Variants in NBEAL1 observed in about 807,000 individuals in gnomAD.
NBEAL1 encodes neurobeachin-like protein 1.
In NBEAL1, 273 loss-of-function variants were observed where a neutral mutation model predicts 351.3. The ratio of observed to expected loss-of-function variants is 0.78; its 90% confidence interval spans 0.70 to 0.86. The LOEUF (loss-of-function observed/expected upper bound fraction) is 0.86, where lower values mean the gene tolerates loss of function less well. Ranked by LOEUF, NBEAL1 falls within the 40% of genes least tolerant of loss-of-function variation. The probability of loss-of-function intolerance (pLI) is 0.00; values close to 1 mark genes in which losing one functional copy is unlikely to be tolerated. For missense variants in NBEAL1, 2,961 were observed against 3,201.3 expected, an observed-to-expected ratio of 0.92 and a Z score of 1.81; for synonymous variants, 1,050 against 1,086.4, an observed-to-expected ratio of 0.97 and a Z score of 0.66.
chr2:203,148,455 G>T (rs2063564250), intron 33 of NBEAL1, among the ~76,000 whole-genome samples: 1 of 151,986 alleles, frequency 6.6e-6, no homozygotes, highest in Non-Finnish European at 1.5e-5. Context: ...TGGTTTGTTT[G>T]AAACAAATTA....
chr2:203,040,521 G>C, intron 2 of NBEAL1: 1 of 672,846 alleles, frequency 1.5e-6, no homozygotes, highest in African/African-American at 1.8e-5. Flanking sequence ...AAACTTATGT[G>C]ACCTGGGGAT....
chr2:203,126,921 T>C lies in NBEAL1; in HGVS notation c.3243T>C (p.Tyr1081=). 1 of 1,540,144 alleles carries C rather than the reference T, an allele frequency of 6.5e-7. No homozygotes were observed. The highest frequency in any genetic ancestry group is 8.8e-7 in the Non-Finnish European group (1 of 1,136,844). The part of the protein sequence containing the change: ...VQFLLDTLRI[Y]YGNGCKYNEL... ...TTCTCCTAGATACACTTAGGATTTA[T>C]TATGGGTATGATGCCCTTGTTCTTT... The change falls in exon 23 of 56, where the codon TAT becomes TAC. Residue 1081 remains tyrosine (Y), a synonymous_variant. Transcript: ENST00000683969.
chr2:203,169,029 A>T (rs1354925733), intron 38 of NBEAL1, among the ~76,000 whole-genome samples: 1 of 152,148 alleles, frequency 6.6e-6, no homozygotes, highest in Non-Finnish European at 1.5e-5. Context: ...TATTATGTTT[A>T]ATTTAATTTA....
At chr2:203,064,804 A>G (rs1176681028) in intron 6 of NBEAL1, among the ~76,000 whole-genome samples, 1 of 152,254 alleles carries the variant, frequency 6.6e-6, no homozygotes, top group Non-Finnish European at 1.5e-5. Flanking sequence ...GTGAACTGAC[A>G]AAACTGGAAT....
intron 36 of NBEAL1, among the ~76,000 whole-genome samples, chr2:203,161,050 G>A (rs2063940067): frequency 6.6e-6 from 1 of 152,182 alleles, no homozygotes; most frequent in African/African-American, 2.4e-5. Context: ...CAGGGAGGCT[G>A]GGCACGGTGG....
intron 36 of NBEAL1, 105 bp from the exon 37 acceptor site, chr2:203,166,044 C>G (rs1409541363): frequency 1.8e-6 from 2 of 1,113,188 alleles, no homozygotes; most frequent in African/African-American, 3.3e-5. Context: ...GACCTTGTCT[C>G]AAAAAAAAGA....
chr2:203,046,856 T>A (rs1255771794), intron 3 of NBEAL1, among the ~76,000 whole-genome samples: 2 of 152,126 alleles, frequency 1.3e-5, no homozygotes, highest in Non-Finnish European at 2.9e-5. Context: ...GCAGTTCACA[T>A]TGAAAGCTCT....
chr2:203,208,593 A>G, intron 51 of NBEAL1, 44 bp from the exon 52 acceptor site: 2 of 1,415,728 alleles, frequency 1.4e-6, no homozygotes, highest in Non-Finnish European at 2.0e-6. Flanking sequence ...AAAAACAGGA[A>G]ACAAGAAACC....
chr2:203,082,338 G>A (rs1043251237), intron 8 of NBEAL1, among the ~76,000 whole-genome samples: 2 of 152,148 alleles, frequency 1.3e-5, no homozygotes, highest in East Asian at 1.9e-4. Context: ...TGAATATTGG[G>A]TGGGCCATTA....
chr2:203,110,397 G>A (rs767988746), intron 15 of NBEAL1, 115 bp downstream of exon 15: 7 of 1,101,460 alleles, frequency 6.4e-6, no homozygotes, highest in African/African-American at 3.2e-5. Context: ...GAGGCTGGGC[G>A]CAGTGGCACA....
chr2:203,152,717 G>A (rs560834778), intron 35 of NBEAL1, among the ~76,000 whole-genome samples: 1 of 152,028 alleles, frequency 6.6e-6, no homozygotes, highest in Non-Finnish European at 1.5e-5. Flanking sequence ...AGATAGGTCT[G>A]TGAAATACCC....
intron 2 of NBEAL1, among the ~76,000 whole-genome samples, chr2:203,038,156 TG>T (rs1322931165): frequency 1.3e-5 from 2 of 149,612 alleles, no homozygotes; most frequent in East Asian, 1.9e-4. Flanking sequence ...ATAGAATTTT[TG>T]TTTTCAGCTT....
At chr2:203,178,146 AG>A (rs2064576174) in intron 42 of NBEAL1, among the ~76,000 whole-genome samples, 1 of 105,020 alleles carries the variant, frequency 9.5e-6, no homozygotes, top group Non-Finnish European at 2.4e-5. Flanking sequence ...TGTTCATACC[AG>A]CCTTTTTTTT....
intron 2 of NBEAL1, among the ~76,000 whole-genome samples, chr2:203,021,107 T>C (rs1029445483): frequency 5.9e-5 from 9 of 152,042 alleles, no homozygotes; most frequent in Non-Finnish European, 1.0e-4. Context: ...TTTGTATTTT[T>C]AGTAGTGACG....
At chr2:203,077,917 T>C in intron 8 of NBEAL1, 80 bp downstream of exon 8, 4 of 688,416 alleles carry the variant, frequency 5.8e-6, no homozygotes, top group South Asian at 4.0e-5. Flanking sequence ...GTATGTTCTT[T>C]GTCTTTTTAT....
intron 9 of NBEAL1, among the ~76,000 whole-genome samples, chr2:203,083,976 C>CTGTGTGTGTGTGTG (rs59252809): frequency 9.8e-4 from 132 of 134,190 alleles, no homozygotes; most frequent in South Asian, 2.6e-3. Context: ...TCCTCAGAGC[C>CTGTGTGTGTGTGTG]TGTGTGTGTG....
At chr2:203,101,018 C>T (rs1418624101) in intron 12 of NBEAL1, among the ~76,000 whole-genome samples, 1 of 152,140 alleles carries the variant, frequency 6.6e-6, no homozygotes, top group African/African-American at 2.4e-5. Flanking sequence ...TCTGTTTACT[C>T]TGTTGATAGT....
chr2:203,058,192 C>T (rs577520914), intron 6 of NBEAL1, among the ~76,000 whole-genome samples: 2 of 151,922 alleles, frequency 1.3e-5, no homozygotes, highest in South Asian at 2.1e-4. Flanking sequence ...AAAACATAAA[C>T]GAGACTAAAT....
chr2:203,111,318 G>T (rs1269349393), intron 15 of NBEAL1, among the ~76,000 whole-genome samples: 1 of 151,956 alleles, frequency 6.6e-6, no homozygotes, highest in East Asian at 1.9e-4. Flanking sequence ...TTCTAAAAAA[G>T]GTTTTTTAAA....
Sources: allele counts gnomAD v4.1 joint callset (sites outside exome capture counted in the v4.1 genomes callset), GRCh38; gene constraint gnomAD v4.1.1; transcripts MANE v1.5; gene names NCBI Gene and HGNC (gene_info 2026-07-23, HGNC 2026-07-21).